The following RNF8 variants were observed in gnomAD, a reference collection of about 807,000 sequenced individuals.
RNF8 encodes E3 ubiquitin-protein ligase RNF8.
A neutral mutation model predicts 59.3 loss-of-function variants in RNF8; 8 were observed. That is an observed-to-expected ratio of 0.13 (90% confidence interval 0.08 to 0.24). The LOEUF (loss-of-function observed/expected upper bound fraction) is 0.24, where lower values mean the gene tolerates loss of function less well. Among genes scored for constraint, RNF8 ranks in the 10% least tolerant of loss-of-function variants. RNF8 has a pLI of 1.00. For missense variants in RNF8, 406 were observed against 572.6 expected, an observed-to-expected ratio of 0.71 and a Z score of 2.97; for synonymous variants, 162 against 200.0, an observed-to-expected ratio of 0.81 and a Z score of 1.60.
intron 1 of RNF8, among the ~76,000 whole-genome samples, chr6:37,354,937 C>T (rs1260226903): frequency 1.3e-5 from 2 of 152,228 alleles, no homozygotes; most frequent in Non-Finnish European, 2.9e-5. Context: ...TCCTTCCCAA[C>T]TCTGAGGAAC....
At chr6:37,368,294 A>G in intron 2 of RNF8, 190 bp from the exon 3 acceptor site, 2 of 1,359,168 alleles carry the variant, frequency 1.5e-6, no homozygotes, top group Non-Finnish European at 2.0e-6. Context: ...TGTGAAATAT[A>G]GGTAAAAAGC....
Position 37,354,210 on chromosome 6 carries a change from C to G in RNF8, c.46C>G (p.Arg16Gly). 1 of 1,589,852 alleles carries G rather than the reference C, an allele frequency of 6.3e-7. No homozygotes were observed. Among genetic ancestry groups the G allele is most frequent in the Non-Finnish European group, 8.6e-7 (1 of 1,169,186 alleles). ...CGTCACAGGAGACCGCGCCGGTGGC[C>G]GGAGCTGGTGCCTGCGGCGGGTGGG... ...FFVTGDRAGG[R>G]SWCLRRVGMS... is the part of the protein sequence containing the mutation. The change falls in exon 1 of 8, where the codon CGG (arginine) becomes GGG (glycine). Residue 16 changes from arginine to glycine, a missense_variant. By Grantham distance (125) the Arg-to-Gly change is moderately radical (BLOSUM62 -2). This residue lies in a region of RNF8 where 62 missense variants were observed against 112.2 expected (regional missense o/e 0.55). Coordinates refer to ENST00000373479, the MANE Select transcript of RNF8 (RefSeq NM_003958.4).
chr6:37,364,211 A>C (rs1405694274), intron 2 of RNF8, among the ~76,000 whole-genome samples: 1 of 148,254 alleles, frequency 6.7e-6, no homozygotes, highest in Non-Finnish European at 1.5e-5. Context: ...TGAGTGAAAG[A>C]AGACAGACAC....
intron 7 of RNF8, among the ~76,000 whole-genome samples, chr6:37,390,368 A>G (rs1159173715): frequency 1.3e-5 from 2 of 152,202 alleles, no homozygotes; most frequent in Non-Finnish European, 2.9e-5. Flanking sequence ...GAAGCTCTGA[A>G]GGAGGTGGCC....
intron 7 of RNF8, among the ~76,000 whole-genome samples, chr6:37,382,835 G>A (rs938728283): frequency 4.6e-5 from 7 of 152,154 alleles, no homozygotes; most frequent in Admixed American, 2.0e-4. Context: ...AAAATTAGCC[G>A]GGCGTGGTGG....
chr6:37,371,305 C>A (rs1166278767), intron 3 of RNF8, among the ~76,000 whole-genome samples: 1 of 152,128 alleles, frequency 6.6e-6, no homozygotes, highest in Non-Finnish European at 1.5e-5. Flanking sequence ...AGCCGACAGT[C>A]CTGAAGTGTG....
In RNF8 at chr6:37,360,623, C is replaced by CTTTT; in HGVS notation, c.240+60_240+63dup. The CTTTT allele has an allele frequency of 3.9e-6, 5 of 1,269,058 alleles. No homozygotes were observed. The highest frequency in any genetic ancestry group is 1.6e-5 in the African/African-American group (1 of 63,456). 78.6% of individuals were successfully genotyped at this position (1,269,058 alleles called of 1,614,324 possible). ...ATGACTTTTATTTGTTTTTAAATTACTTTTTTTTTTTTTTGCATAGGTAAT... is the reference window on the plus strand; with the variant it reads ...ATGACTTTTATTTGTTTTTAAATTACTTTTTTTTTTTTTTTTTTGCATAGGTAAT... On this transcript the variant is annotated intron_variant, in intron 2 of 7. Coordinates refer to ENST00000373479, the MANE Select transcript of RNF8 (RefSeq NM_003958.4). The surrounding 1 kb of genome is among the most constrained non-coding windows in gnomAD (Gnocchi z 4.2).
chr6:37,376,421 A>G (rs1770022097), intron 5 of RNF8, among the ~76,000 whole-genome samples: 1 of 152,202 alleles, frequency 6.6e-6, no homozygotes, highest in Non-Finnish European at 1.5e-5. Flanking sequence ...TATTTCTCAC[A>G]GTACTGGAGG....
chr6:37,378,600 C>CAAAAAAAAAAAAA (rs554259061), intron 6 of RNF8, among the ~76,000 whole-genome samples: 1 of 56,552 alleles, frequency 1.8e-5, no homozygotes, highest in Non-Finnish European at 4.1e-5. Flanking sequence ...GACTCCGTCT[C>CAAAAAAAAAAAAA]AAAAAAAAAA....
At chr6:37,363,407 T>C (rs1769406136) in intron 2 of RNF8, among the ~76,000 whole-genome samples, 1 of 152,238 alleles carries the variant, frequency 6.6e-6, no homozygotes, top group Non-Finnish European at 1.5e-5. Flanking sequence ...ATGAAGGGTT[T>C]ATACTGAGGT....
At chr6:37,372,318 C>T (rs1490134286) in intron 4 of RNF8, among the ~76,000 whole-genome samples, 2 of 152,124 alleles carry the variant, frequency 1.3e-5, no homozygotes, top group Non-Finnish European at 1.5e-5. Context: ...AACCTACTTC[C>T]CAACCTTAAC....
chr6:37,380,420 C>T (rs933731507), intron 6 of RNF8, among the ~76,000 whole-genome samples: 4 of 152,008 alleles, frequency 2.6e-5, no homozygotes, highest in African/African-American at 9.7e-5. Context: ...CTTGTAATCC[C>T]AGCACTTTGG....
At position 37,368,818 on chromosome 6, in the gene RNF8, A is replaced by C. The variant is rs751180240; in HGVS notation, c.575A>C (p.Lys192Thr). The change falls in exon 3 of 8, where the codon AAA becomes ACA. Residue 192 changes from lysine to threonine, a missense_variant. By Grantham distance (78) the Lys-to-Thr change is moderately conservative. Coordinates refer to ENST00000373479, the MANE Select transcript of RNF8 (RefSeq NM_003958.4). Reference protein sequence around the residue: ...ESGQPVKSQGKGEVASTPSDN... With the variant: ...ESGQPVKSQGTGEVASTPSDN... ...GGTCAGCCAGTGAAATCACAGGGGA[A>C]AGGTGAAGTGGCCAGTACACCCTCT... 3 of 1,614,080 alleles carry C rather than the reference A, an allele frequency of 1.9e-6. No individual in the cohort carries two copies. The highest frequency in any genetic ancestry group is 8.5e-7 in the Non-Finnish European group (1 of 1,180,048).
intron 6 of RNF8, 101 bp from the exon 7 acceptor site, chr6:37,381,049 T>C (rs980556184): frequency 1.1e-6 from 1 of 951,840 alleles, no homozygotes. Context: ...AATTTTCCAT[T>C]TGGCCTTTGA....
At chr6:37,385,775 C>G (rs1203391074) in intron 7 of RNF8, among the ~76,000 whole-genome samples, 2 of 151,768 alleles carry the variant, frequency 1.3e-5, no homozygotes, top group Non-Finnish European at 2.9e-5. Flanking sequence ...CTTCTTTTTT[C>G]CTTCTCTTCT....
chr6:37,364,218 A>G (rs1769457427), intron 2 of RNF8, among the ~76,000 whole-genome samples: 1 of 148,312 alleles, frequency 6.7e-6, no homozygotes, highest in Admixed American at 6.6e-5. Context: ...AAGAAGACAG[A>G]CACAAAAGAA....
At chr6:37,369,871 G>A (rs1769730897) in intron 3 of RNF8, 1 of 152,470 alleles carries the variant, frequency 6.6e-6, no homozygotes, top group South Asian at 2.1e-4. Flanking sequence ...CCTATAGTAG[G>A]AAGGTAAAAT....
intron 7 of RNF8, among the ~76,000 whole-genome samples, chr6:37,382,749 A>G (rs1232876071): frequency 6.6e-6 from 1 of 152,128 alleles, no homozygotes; most frequent in Non-Finnish European, 1.5e-5. Context: ...GGAGGCCAAG[A>G]TGGGCAGATC....
At chr6:37,356,081 G>A (rs2113811955) in intron 1 of RNF8, among the ~76,000 whole-genome samples, 1 of 152,260 alleles carries the variant, frequency 6.6e-6, no homozygotes, top group South Asian at 2.1e-4. Flanking sequence ...TGGGGAGGAC[G>A]AATTAAAGCA....
Sources: allele counts gnomAD v4.1 joint callset (sites outside exome capture counted in the v4.1 genomes callset), GRCh38; gene constraint gnomAD v4.1.1; regional missense constraint gnomAD v4.1.1; non-coding constraint Gnocchi (gnomAD v3.1); transcripts MANE v1.5; gene names NCBI Gene and HGNC (gene_info 2026-07-23, HGNC 2026-07-21).